The following DLG3 variants were observed in gnomAD, a reference collection of about 807,000 sequenced individuals.
The protein encoded by DLG3 is discs large MAGUK scaffold protein 3.
DLG3 carries 1 observed loss-of-function variant against 64.1 expected under a neutral mutation model. The ratio of observed to expected loss-of-function variants is 0.02; its 90% CI spans 0.01 to 0.07. The LOEUF is 0.07. DLG3 is among the 10% of genes least tolerant of loss of function. The probability of loss-of-function intolerance (pLI) is 1.00; values close to 1 mark genes in which losing one functional copy is unlikely to be tolerated. For missense variants in DLG3, 429 were observed against 669.5 expected, an observed-to-expected ratio of 0.64 and a Z score of 3.96; for synonymous variants, 245 against 259.8, an observed-to-expected ratio of 0.94 and a Z score of 0.55.
chrX:70,486,142 G>A (rs1302979719), intron 10 of DLG3, among the ~76,000 whole-genome samples: 2 of 110,678 alleles, frequency 1.8e-5, no homozygotes, highest in African/African-American at 6.6e-5. Context: ...GTTTTTACAT[G>A]TCACATTTTC....
At chrX:70,501,413 C>CTGTGTG (rs58272461) in intron 18 of DLG3, among the ~76,000 whole-genome samples, 27 of 93,893 alleles carry the variant, frequency 2.9e-4, no homozygotes, top group African/African-American at 7.8e-4. Context: ...GTCTGTCTGT[C>CTGTGTG]TGTGTGTGTG....
At chrX:70,483,895 G>A (rs111907673) in intron 10 of DLG3, among the ~76,000 whole-genome samples, 1,968 of 112,112 alleles carry the variant, frequency 0.018, 19 homozygotes, top group South Asian at 0.047. Context: ...TTGCTCTGCT[G>A]GAGGATTTGC....
intron 10 of DLG3, among the ~76,000 whole-genome samples, chrX:70,491,487 G>A (rs1316512281): frequency 8.9e-6 from 1 of 112,560 alleles, no homozygotes; most frequent in Non-Finnish European, 1.9e-5. Context: ...TTTTGTCCCA[G>A]GTTGGTTAGA....
At chrX:70,446,850 C>G (rs776231670) in intron 1 of DLG3, among the ~76,000 whole-genome samples, 2 of 112,260 alleles carry the variant, frequency 1.8e-5, no homozygotes, top group African/African-American at 6.5e-5. Flanking sequence ...CTTCCCCAAG[C>G]TGGTGACCGT....
intron 9 of DLG3, among the ~76,000 whole-genome samples, chrX:70,457,392 T>C (rs192035569): frequency 6.0e-4 from 67 of 112,034 alleles, no homozygotes; most frequent in Non-Finnish European, 6.0e-4. Context: ...GTGCAGCCTT[T>C]AGCATGAGAG....
chrX:70,502,388 G>T lies in DLG3; in HGVS notation c.*119G>T. 2 of 517,861 alleles carry T rather than the reference G, an allele frequency of 3.9e-6. No homozygotes were observed. Among genetic ancestry groups the T allele is most frequent in the Non-Finnish European group, 6.4e-6 (2 of 312,079 alleles). 42.7% of individuals were successfully genotyped at this position (517,861 alleles called of 1,213,427 possible). Reference sequence around the variant, plus strand: ...GCTACTGTTCTTGTCCCCTTTTTTAGATATGTCAAAAAAAATTAAGTTTTC... The same window carrying T: ...GCTACTGTTCTTGTCCCCTTTTTTATATATGTCAAAAAAAATTAAGTTTTC... On this transcript the variant is annotated 3_prime_UTR_variant, in exon 19 of 19. Coordinates refer to ENST00000374360, the MANE Select transcript of DLG3 (RefSeq NM_021120.4).
rs758045905 is a variant in DLG3, at chrX:70,483,093, C to T, written c.1520+3829C>T. Among the ~76,000 whole-genome samples the T allele has an allele frequency of 3.5e-4, 39 of 110,749 alleles. 1 individual carries two copies. Among genetic ancestry groups the T allele is most frequent in the Non-Finnish European group, 6.6e-4 (35 of 52,948 alleles). On this transcript the variant is annotated intron_variant, in intron 10 of 18. Coordinates refer to ENST00000374360, the MANE Select transcript of DLG3 (RefSeq NM_021120.4). ...CCCAGGAGTTCGAGACCAGTCTGCA[C>T]AACATAGTGAGCCCCACTCTTAAAA...
At chrX:70,450,399 G>T in intron 5 of DLG3, 94 bp downstream of exon 5, 2 of 1,047,291 alleles carry the variant, frequency 1.9e-6, no homozygotes, top group Non-Finnish European at 2.6e-6. Flanking sequence ...CAGGGATGAG[G>T]CATCATGGGG....
chrX:70,475,356 TTTTG>T (rs892303842), intron 9 of DLG3, among the ~76,000 whole-genome samples: 14 of 111,298 alleles, frequency 1.3e-4, no homozygotes, highest in African/African-American at 3.9e-4. Flanking sequence ...ATGGATGATT[TTTTG>T]TTTGTTTGTT....
At chrX:70,471,088 T>C (rs1175092887) in intron 9 of DLG3, among the ~76,000 whole-genome samples, 2 of 110,700 alleles carry the variant, frequency 1.8e-5, no homozygotes, top group African/African-American at 3.3e-5. Flanking sequence ...AGGTTTGTCC[T>C]GTCAGACCTC....
chrX:70,455,054 C>T (rs2086678620), intron 9 of DLG3: 2 of 751,268 alleles, frequency 2.7e-6, no homozygotes, highest in Non-Finnish European at 3.1e-6. Context: ...GCATGCCCCG[C>T]CCCCTGACCC....
At chrX:70,461,450 C>T (rs2086799008) in intron 9 of DLG3, among the ~76,000 whole-genome samples, 1 of 111,918 alleles carries the variant, frequency 8.9e-6, no homozygotes, top group Non-Finnish European at 1.9e-5. Context: ...TGTTATTAGG[C>T]AACTAGAAAG....
At chrX:70,467,055 A>G (rs1259747188) in intron 9 of DLG3, among the ~76,000 whole-genome samples, 1 of 111,060 alleles carries the variant, frequency 9.0e-6, no homozygotes, top group Non-Finnish European at 1.9e-5. Context: ...TAAGGACCAC[A>G]GGCACATGCT....
At position 70,448,467 on chromosome X, in the gene DLG3, G is replaced by C. The variant is rs1388923540; in HGVS notation, c.358-446G>C. The C allele has an allele frequency of 1.8e-5, 11 of 604,489 alleles. No homozygotes were observed. In the African/African-American group the frequency reaches 1.8e-4, roughly 10 times the overall value. 49.8% of individuals were successfully genotyped at this position (604,489 alleles called of 1,213,427 possible). On this transcript the variant is annotated intron_variant, in intron 1 of 18. Coordinates refer to ENST00000374360, the MANE Select transcript of DLG3 (RefSeq NM_021120.4). The stretch of plus-strand genomic sequence containing the variant: ...GAGTCTATGATCCCCCAGTCAGGGA[G>C]AACTGTGGTTCAGAAGGGGAAGGGT...
At chrX:70,460,598 A>AT (rs1172506382) in intron 9 of DLG3, among the ~76,000 whole-genome samples, 3 of 112,413 alleles carry the variant, frequency 2.7e-5, no homozygotes, top group African/African-American at 9.7e-5. Context: ...TTTGTCATTC[A>AT]TTTTTTATGA....
chrX:70,497,003 C>A (rs1032171037), intron 13 of DLG3, among the ~76,000 whole-genome samples: 9 of 112,156 alleles, frequency 8.0e-5, no homozygotes, highest in Non-Finnish European at 1.5e-4. Flanking sequence ...ACGAGAGGGC[C>A]AGGGGCTCAG....
Position 70,502,748 on chromosome X carries a change from G to A in DLG3, c.*479G>A, listed in dbSNP as rs2087588135. ...CGGTGCAACGTAATGGCGACAGAAA[G>A]TATCTTATTTATATATAGATATATA... On this transcript the variant is annotated 3_prime_UTR_variant, in exon 19 of 19. Coordinates refer to ENST00000374360, the MANE Select transcript of DLG3 (RefSeq NM_021120.4). 9.4e-6 allele frequency: 1 copy of A among 106,558 alleles called. No individual in the cohort carries two copies. The highest frequency in any genetic ancestry group is 1.9e-5 in the Non-Finnish European group (1 of 52,123). 8.8% of individuals were successfully genotyped at this position (106,558 alleles called of 1,213,427 possible).
intron 9 of DLG3, among the ~76,000 whole-genome samples, chrX:70,465,978 C>T (rs12845003): frequency 0.26 from 28,977 of 109,842 alleles, 3,238 homozygotes; most frequent in African/African-American, 0.41. Context: ...GATTATGTTC[C>T]GAAAAGATTT....
intron 6 of DLG3, among the ~76,000 whole-genome samples, 172 bp from the exon 7 acceptor site, chrX:70,451,695 G>C (rs976847425): frequency 9.0e-6 from 1 of 111,711 alleles, no homozygotes; most frequent in Non-Finnish European, 1.9e-5. Context: ...AAGGGACTGC[G>C]GAGGAGGAAC....
Sources: allele counts gnomAD v4.1 joint callset (sites outside exome capture counted in the v4.1 genomes callset), GRCh38; gene constraint gnomAD v4.1.1; transcripts MANE v1.5; gene names NCBI Gene and HGNC (gene_info 2026-07-23, HGNC 2026-07-21).